Variants in MED12L observed in about 807,000 individuals in gnomAD.
MED12L encodes mediator complex subunit 12L.
Under a neutral mutation model 281.3 loss-of-function variants are expected in MED12L, and 60 were observed. That is an observed-to-expected ratio of 0.21 (90% CI 0.17 to 0.26). The LOEUF (loss-of-function observed/expected upper bound fraction) is 0.26, where lower values mean the gene tolerates loss of function less well. Ranked by LOEUF, MED12L falls within the 10% of genes least tolerant of loss-of-function variation. The pLI is 1.00. For missense variants in MED12L, 2,146 were observed against 2,680.9 expected, an observed-to-expected ratio of 0.80 and a Z score of 4.41; for synonymous variants, 974 against 987.2, an observed-to-expected ratio of 0.99 and a Z score of 0.25.
chr3:151,436,174 T>TG lies in MED12L; in HGVS notation c.*3372dup. 1 of 152,400 alleles carries TG rather than the reference T, an allele frequency of 6.6e-6. No individual in the cohort carries two copies. The highest frequency in any genetic ancestry group is 2.1e-4 in the South Asian group (1 of 4,830). The allele number at this position is 152,400 out of a possible 1,614,324, so 9.4% of individuals were successfully genotyped here. A position where few individuals can be genotyped will look rare whatever the true frequency, so the allele number is the denominator to read the frequency against. On this transcript the variant is annotated 3_prime_UTR_variant, in exon 45 of 45. Coordinates refer to ENST00000687756, the MANE Select transcript of MED12L (RefSeq NM_001393769.1). ...AATGAAAATTTTCAGTGTGAACAAA[T>TG]GGTGAATCATAAGACAGTTCAGTGC... is the stretch of plus-strand genomic sequence containing the variant.
At chr3:151,276,274 C>T (rs1366898398) in intron 16 of MED12L, among the ~76,000 whole-genome samples, 2 of 152,208 alleles carry the variant, frequency 1.3e-5, no homozygotes, top group African/African-American at 4.8e-5. Flanking sequence ...CTGACAAGCT[C>T]ACTGGTGATG....
intron 16 of MED12L, among the ~76,000 whole-genome samples, chr3:151,280,238 G>A (rs1017162008): frequency 6.6e-6 from 1 of 152,164 alleles, no homozygotes; most frequent in African/African-American, 2.4e-5. Flanking sequence ...CCACCCAGGG[G>A]GACAGTTGTG....
intron 31 of MED12L, 45 bp from the exon 32 acceptor site, chr3:151,380,068 C>A: frequency 8.5e-7 from 1 of 1,173,980 alleles, no homozygotes; most frequent in Admixed American, 2.4e-5. Context: ...GGAAGTAATG[C>A]ATTATTTCTA....
chr3:151,240,243 G>A (rs1356286617), intron 16 of MED12L, among the ~76,000 whole-genome samples: 8 of 152,282 alleles, frequency 5.3e-5, no homozygotes, highest in South Asian at 4.1e-4. Context: ...CTGACACGAC[G>A]CCCAGTTTTT....
chr3:151,088,582 G>A (rs1402515230), intron 2 of MED12L, among the ~76,000 whole-genome samples: 1 of 152,170 alleles, frequency 6.6e-6, no homozygotes, highest in African/African-American at 2.4e-5. Flanking sequence ...TTGGGGTGCT[G>A]TGTGGGCTTA....
intron 16 of MED12L, among the ~76,000 whole-genome samples, chr3:151,252,316 G>A (rs2141631): frequency 0.88 from 134,540 of 152,234 alleles, 59,625 homozygotes; most frequent in African/African-American, 0.96. Flanking sequence ...CCATTATTGG[G>A]ACACTAAGCT....
At chr3:151,427,373 C>T (rs1023768826) in intron 43 of MED12L, among the ~76,000 whole-genome samples, 15 of 152,156 alleles carry the variant, frequency 9.9e-5, no homozygotes, top group African/African-American at 3.6e-4. Context: ...TGTACTACCT[C>T]TTAAGCCACC....
At chr3:151,284,171 A>T (rs1743161919) in intron 16 of MED12L, among the ~76,000 whole-genome samples, 1 of 152,214 alleles carries the variant, frequency 6.6e-6, no homozygotes, top group Non-Finnish European at 1.5e-5. Flanking sequence ...TGGGAGGAGC[A>T]TGGCCTCAGC....
rs371825725 is a variant in MED12L, at chr3:151,394,619, G to A, written c.5609-37G>A. The stretch of plus-strand genomic sequence containing the variant: ...ACATAAAAAGACCTGTTGCATTAAC[G>A]TAGTTAGAAAGTGTTTCCTTTTGGT... On this transcript the variant is annotated intron_variant, in intron 38 of 44. Coordinates refer to ENST00000687756, the MANE Select transcript of MED12L (RefSeq NM_001393769.1). 428 of 1,610,304 alleles carry A rather than the reference G, an allele frequency of 2.7e-4. 3 individuals are homozygous for A. In the South Asian group the frequency reaches 4.4e-3, roughly 17 times the overall value.
rs1345420919 is a variant in MED12L at position 151,338,709 on chromosome 3, G to A, written c.2251-11350G>A. On this transcript the variant is annotated intron_variant, in intron 16 of 44. Transcript: ENST00000687756. ...CCGGATTTGAAAGAAAATCCTCATC[G>A]CCAGGCCATTTGTGATAAGTCCAAC... is the stretch of plus-strand genomic sequence containing the variant. The A allele has an allele frequency of 1.6e-5, 26 of 1,613,346 alleles. No individual in the cohort carries two copies. The highest frequency in any genetic ancestry group is 3.3e-4 in the Middle Eastern group (2 of 6,082).
chr3:151,173,971 G>A (rs1391034240), intron 11 of MED12L, among the ~76,000 whole-genome samples: 5 of 152,258 alleles, frequency 3.3e-5, no homozygotes, highest in African/African-American at 7.2e-5. Flanking sequence ...TGGAAATTAC[G>A]CATAATATTT....
At chr3:151,091,296 G>T (rs964285509) in intron 2 of MED12L, among the ~76,000 whole-genome samples, 5 of 152,174 alleles carry the variant, frequency 3.3e-5, no homozygotes, top group African/African-American at 1.2e-4. Context: ...GTGTCTGCAT[G>T]CGGATATCCC....
chr3:151,368,684 CATTTT>C lies in MED12L; in HGVS notation c.3550+438_3550+442del, dbSNP rs1173287979. ...CATTTCATTTCATTTCATGTCATTT[CATTTT>C]ATTTCATTTCATTTCATTTCATTTC... On this transcript the variant is annotated intron_variant, in intron 25 of 44. Coordinates refer to ENST00000687756, the MANE Select transcript of MED12L (RefSeq NM_001393769.1). Among the ~76,000 whole-genome samples, 397 of 41,936 alleles carry C rather than the reference CATTTT, an allele frequency of 9.5e-3. 6 individuals carry two copies. The highest frequency in any genetic ancestry group is 0.03 in the African/African-American group (281 of 9,324). The allele number at this position is 41,936 out of a possible 152,430, so 27.5% of individuals were successfully genotyped here.
intron 9 of MED12L, 63 bp from the exon 10 acceptor site, chr3:151,165,357 C>T (rs759842045): frequency 3.0e-6 from 4 of 1,338,154 alleles, no homozygotes; most frequent in Non-Finnish European, 4.3e-6. Context: ...AAAAACCTGA[C>T]ATGATTTAGA....
chr3:151,175,697 A>G (rs906014339), intron 11 of MED12L, among the ~76,000 whole-genome samples: 8 of 152,212 alleles, frequency 5.3e-5, no homozygotes, highest in African/African-American at 1.9e-4. Context: ...ATTGCTGAAT[A>G]CATTGAATTA....
chr3:151,430,412 G>T, intron 44 of MED12L, 32 bp downstream of exon 44: 1 of 1,609,444 alleles, frequency 6.2e-7, no homozygotes. Context: ...GGAACAGACA[G>T]CTCCCGGAAA....
At chr3:151,149,517 G>A (rs957315157) in intron 5 of MED12L, among the ~76,000 whole-genome samples, 3 of 152,106 alleles carry the variant, frequency 2.0e-5, no homozygotes, top group Non-Finnish European at 2.9e-5. Context: ...CTTTTGGCTA[G>A]CAGAAGGTCT....
chr3:151,282,512 C>T (rs1248621611), intron 16 of MED12L, among the ~76,000 whole-genome samples: 8 of 151,864 alleles, frequency 5.3e-5, no homozygotes, highest in Non-Finnish European at 8.8e-5. Context: ...AGTAAAGGCC[C>T]GGTGTAAACA....
chr3:151,147,915 A>G (rs1453071794), intron 5 of MED12L, among the ~76,000 whole-genome samples: 1 of 152,226 alleles, frequency 6.6e-6, no homozygotes, highest in African/African-American at 2.4e-5. Flanking sequence ...ATGTGATGAC[A>G]TTATATTTAA....
Sources: allele counts gnomAD v4.1 joint callset (sites outside exome capture counted in the v4.1 genomes callset), GRCh38; gene constraint gnomAD v4.1.1; transcripts MANE v1.5; gene names NCBI Gene and HGNC (gene_info 2026-07-23, HGNC 2026-07-21).